Variants in LHFPL3 observed in about 807,000 individuals in gnomAD.
The protein encoded by LHFPL3 is LHFPL tetraspan subfamily member 3 protein.
Under a neutral mutation model 19.3 loss-of-function variants are expected in LHFPL3, and 5 were observed. That is an observed-to-expected ratio of 0.26 (90% CI 0.14 to 0.54). The LOEUF (loss-of-function observed/expected upper bound fraction) is 0.54. Ranked by LOEUF, LHFPL3 falls within the 20% of genes least tolerant of loss-of-function variation. The pLI is 0.94. For missense variants in LHFPL3, 249 were observed against 307.4 expected (o/e 0.81, Z 1.42); for synonymous variants, 133 against 126.2 (o/e 1.05, Z -0.36).
chr7:104,770,775 A>T (rs1163494499), intron 2 of LHFPL3, among the ~76,000 whole-genome samples: 1 of 152,216 alleles, frequency 6.6e-6, no homozygotes, highest in Non-Finnish European at 1.5e-5. Flanking sequence ...AAAACCAGAT[A>T]TGAAGCCTAT....
chr7:104,457,031 T>A (rs897281189), intron 1 of LHFPL3, among the ~76,000 whole-genome samples: 2 of 152,170 alleles, frequency 1.3e-5, no homozygotes, highest in Non-Finnish European at 2.9e-5. Flanking sequence ...AGTTAGGAGA[T>A]GTTGCCAATG....
At position 104,751,919 on chromosome 7, in the gene LHFPL3, G is replaced by A. The variant is rs1335431937; in HGVS notation, c.682+15008G>A. ...ACTACCCTGTCTACTAGGTGGTGCC[G>A]TAGGATTAAGTCTCCTAGTGGGCGG... On this transcript the variant is annotated intron_variant, in intron 2 of 2. Transcript: ENST00000424859. Among the ~76,000 whole-genome samples, 41 of 150,970 alleles carry A rather than the reference G, an allele frequency of 2.7e-4. No individual in the cohort carries two copies. The South Asian group carries it at 3.8e-3, about 14-fold the overall frequency.
intron 2 of LHFPL3, among the ~76,000 whole-genome samples, chr7:104,780,212 A>G (rs1028650588): frequency 3.3e-5 from 5 of 152,160 alleles, no homozygotes; most frequent in South Asian, 2.1e-4. Context: ...AGTGAGGTCT[A>G]GTGCAGAAGC....
At chr7:104,627,848 T>C (rs1293539592) in intron 1 of LHFPL3, among the ~76,000 whole-genome samples, 3 of 152,188 alleles carry the variant, frequency 2.0e-5, no homozygotes, top group African/African-American at 7.2e-5. Context: ...CCTTCCCCAA[T>C]GCAAAATCCA....
intron 2 of LHFPL3, among the ~76,000 whole-genome samples, chr7:104,825,539 G>T (rs1395161715): frequency 1.3e-5 from 2 of 151,858 alleles, no homozygotes; most frequent in Non-Finnish European, 2.9e-5. Context: ...AGGACTAAAT[G>T]AAAGAATGTG....
chr7:104,343,301 T>C (rs1281163100), intron 1 of LHFPL3, among the ~76,000 whole-genome samples: 1 of 151,616 alleles, frequency 6.6e-6, no homozygotes, highest in Admixed American at 6.6e-5. Context: ...GATCATGAGG[T>C]CAGGGGTTCA....
At chr7:104,668,505 C>T (rs984706861) in intron 1 of LHFPL3, 49 of 1,612,948 alleles carry the variant, frequency 3.0e-5, no homozygotes, top group African/African-American at 2.5e-4. Flanking sequence ...TGGCCGGGAT[C>T]GCTATGATGA....
At chr7:104,602,670 C>T (rs1454509804) in intron 1 of LHFPL3, among the ~76,000 whole-genome samples, 3 of 152,134 alleles carry the variant, frequency 2.0e-5, no homozygotes. Context: ...AATCAATCAC[C>T]GAAATTTGTT....
intron 1 of LHFPL3, among the ~76,000 whole-genome samples, chr7:104,429,301 CTTTTTTTT>C (rs71823474): frequency 2.4e-5 from 2 of 84,532 alleles, no homozygotes; most frequent in Non-Finnish European, 4.2e-5. Flanking sequence ...TATGTCATTC[CTTTTTTTT>C]TTTTTTTTTT....
At chr7:104,668,336 T>C (rs374318950) in intron 1 of LHFPL3, 2 of 1,595,766 alleles carry the variant, frequency 1.3e-6, no homozygotes, top group Admixed American at 1.7e-5. Flanking sequence ...ACAAAACAGA[T>C]ACAGACTGGA....
intron 1 of LHFPL3, among the ~76,000 whole-genome samples, chr7:104,425,483 A>C (rs557594018): frequency 1.3e-5 from 2 of 152,330 alleles, no homozygotes; most frequent in African/African-American, 4.8e-5. Context: ...TAGGTGCTCA[A>C]TAAATGTTAG....
chr7:104,505,820 T>C (rs1793687183), intron 1 of LHFPL3, among the ~76,000 whole-genome samples: 1 of 152,194 alleles, frequency 6.6e-6, no homozygotes, highest in East Asian at 1.9e-4. Flanking sequence ...AGTAGATTAA[T>C]GAGAAGTATT....
chr7:104,449,425 A>G (rs1792389357), intron 1 of LHFPL3, among the ~76,000 whole-genome samples: 1 of 152,200 alleles, frequency 6.6e-6, no homozygotes, highest in South Asian at 2.1e-4. Flanking sequence ...CAATTTCTAA[A>G]TGTACTTTAT....
intron 1 of LHFPL3, among the ~76,000 whole-genome samples, chr7:104,523,223 A>G (rs374072744): frequency 1.9e-4 from 29 of 152,222 alleles, no homozygotes; most frequent in Middle Eastern, 6.8e-3. Flanking sequence ...AACCCTTGCC[A>G]TGTGTCAGGT....
intron 2 of LHFPL3, among the ~76,000 whole-genome samples, chr7:104,875,190 CTT>C (rs1244726659): frequency 6.6e-6 from 1 of 152,130 alleles, no homozygotes; most frequent in East Asian, 1.9e-4. Context: ...AAATTCTCCT[CTT>C]TGTTTCATAA....
chr7:104,602,020 C>CTT (rs57501560), intron 1 of LHFPL3, among the ~76,000 whole-genome samples: 47,258 of 90,832 alleles, frequency 0.52, 13,104 homozygotes, highest in South Asian at 0.6. Context: ...TTTTTCTTTT[C>CTT]TTTTTTTTTT....
At chr7:104,651,026 C>T (rs1792023759) in intron 1 of LHFPL3, among the ~76,000 whole-genome samples, 1 of 152,130 alleles carries the variant, frequency 6.6e-6, no homozygotes, top group Admixed American at 6.5e-5. Context: ...AGGGTCACCT[C>T]GGAGTACAGC....
At chr7:104,600,643 T>A (rs1388628979) in intron 1 of LHFPL3, among the ~76,000 whole-genome samples, 1 of 152,142 alleles carries the variant, frequency 6.6e-6, no homozygotes, top group African/African-American at 2.4e-5. Flanking sequence ...CTGGCAAAAA[T>A]TTAGAGGCAC....
intron 1 of LHFPL3, among the ~76,000 whole-genome samples, chr7:104,516,650 T>G (rs1175224499): frequency 6.6e-6 from 1 of 152,084 alleles, no homozygotes. Flanking sequence ...AAATAACAGA[T>G]GCTGGCGAGG....
Sources: allele counts gnomAD v4.1 joint callset (sites outside exome capture counted in the v4.1 genomes callset), GRCh38; gene constraint gnomAD v4.1.1; transcripts MANE v1.5; gene names NCBI Gene and HGNC (gene_info 2026-07-23, HGNC 2026-07-21).